Variants in IPO11 observed in about 807,000 individuals in gnomAD.
IPO11 encodes importin 11, also known as importin-11.
A neutral mutation model predicts 143.2 loss-of-function variants in IPO11; 66 were observed. That is an observed-to-expected ratio of 0.46 (90% CI 0.38 to 0.57). IPO11 has a LOEUF of 0.57. IPO11 is among the 20% of genes least tolerant of loss of function. The pLI is 0.00. For synonymous variants in IPO11, 385 were observed against 377.8 expected (o/e 1.02, Z -0.22); for missense variants, 1,026 against 1,141.0 (o/e 0.90, Z 1.45).
chr5:62,616,719 CAAAA>C (rs538760503), intron 29 of IPO11, among the ~76,000 whole-genome samples: 20 of 84,434 alleles, frequency 2.4e-4, no homozygotes, highest in Admixed American at 5.2e-4. Context: ...GACTCTGACT[CAAAA>C]AAAAAAAAAA....
intron 29 of IPO11, among the ~76,000 whole-genome samples, chr5:62,604,943 C>T (rs1745649496): frequency 6.6e-6 from 1 of 152,106 alleles, no homozygotes; most frequent in Admixed American, 6.5e-5. Flanking sequence ...TGTATTTTTT[C>T]AGTAATTACG....
chr5:62,528,920 A>G (rs1270774789), intron 21 of IPO11, among the ~76,000 whole-genome samples: 1 of 152,154 alleles, frequency 6.6e-6, no homozygotes. Flanking sequence ...ATCTCCTACT[A>G]TGGCTTTTTA....
chr5:62,415,512 A>G (rs1007708463), intron 1 of IPO11, among the ~76,000 whole-genome samples: 1 of 118,454 alleles, frequency 8.4e-6, no homozygotes, highest in African/African-American at 3.4e-5. Context: ...CTTTTTGCCC[A>G]GGCTGGAGTG....
chr5:62,532,858 G>A (rs1015431267), intron 22 of IPO11, among the ~76,000 whole-genome samples: 1 of 152,016 alleles, frequency 6.6e-6, no homozygotes, highest in African/African-American at 2.4e-5. Context: ...CGGCTCTTCA[G>A]GATTTGTTAC....
intron 28 of IPO11, among the ~76,000 whole-genome samples, chr5:62,600,963 G>A (rs575232214): frequency 6.6e-6 from 1 of 152,318 alleles, no homozygotes; most frequent in South Asian, 2.1e-4. Flanking sequence ...ATTAAAAGCT[G>A]TTTACACAGC....
chr5:62,539,859 T>G lies in IPO11; in HGVS notation c.2250+2570T>G, dbSNP rs114957748. On this transcript the variant is annotated intron_variant, in intron 24 of 29. Coordinates refer to ENST00000325324, the MANE Select transcript of IPO11 (RefSeq NM_016338.5). ...TCAGCTTCAGCTTTTGCTTTGGTGATAAATTCTTCTCTGGAGGTAAGAGGA... is the reference window on the plus strand; with the variant it reads ...TCAGCTTCAGCTTTTGCTTTGGTGAGAAATTCTTCTCTGGAGGTAAGAGGA... Among the ~76,000 whole-genome samples the G allele has an allele frequency of 4.5e-3, 690 of 152,346 alleles. 5 individuals carry two copies. The highest frequency in any genetic ancestry group is 0.016 in the African/African-American group (647 of 41,582).
rs538724013 is a variant in IPO11, at chr5:62,527,091, A to G, written c.2012+834A>G. 8.5e-5 allele frequency among the ~76,000 whole-genome samples: 13 copies of G among 152,336 alleles called. No individual in the cohort carries two copies. In the South Asian group the frequency reaches 2.7e-3, roughly 32 times the overall value. On this transcript the variant is annotated intron_variant, in intron 21 of 29. Transcript: ENST00000325324. The stretch of plus-strand genomic sequence containing the variant: ...TGATCTTTATCAGAATATGAGATGA[A>G]TGACTTTAAAACTTTACTAGTTAGA...
intron 24 of IPO11, among the ~76,000 whole-genome samples, chr5:62,547,394 C>T (rs1743241148): frequency 1.3e-5 from 2 of 152,222 alleles, no homozygotes; most frequent in East Asian, 3.9e-4. Context: ...TTACTGACAT[C>T]ACAATTGTAC....
At chr5:62,553,880 G>A (rs1311514026) in intron 26 of IPO11, among the ~76,000 whole-genome samples, 1 of 152,062 alleles carries the variant, frequency 6.6e-6, no homozygotes, top group African/African-American at 2.4e-5. Flanking sequence ...AGCCTCCCAA[G>A]TAGGTGGGAT....
At chr5:62,508,777 C>T (rs971472814) in intron 19 of IPO11, among the ~76,000 whole-genome samples, 1 of 152,042 alleles carries the variant, frequency 6.6e-6, no homozygotes, top group African/African-American at 2.4e-5. Context: ...CCCAACAGGC[C>T]CCGGTGTGAG....
chr5:62,535,160 A>G (rs1195800508), intron 22 of IPO11, among the ~76,000 whole-genome samples: 2 of 151,836 alleles, frequency 1.3e-5, no homozygotes, highest in Non-Finnish European at 2.9e-5. Context: ...CGATCCAGGA[A>G]TAGTTTTTAA....
intron 16 of IPO11, 119 bp downstream of exon 16, chr5:62,494,243 T>G (rs1741049044): frequency 1.3e-6 from 1 of 768,444 alleles, no homozygotes; most frequent in Non-Finnish European, 1.9e-6. Flanking sequence ...ACTGCACTAG[T>G]TATTCCTTGG....
intron 27 of IPO11, chr5:62,580,873 A>G (rs372428464): frequency 1.9e-6 from 3 of 1,551,280 alleles, no homozygotes; most frequent in African/African-American, 1.4e-5. Flanking sequence ...ATTAGAGACT[A>G]CAGCAGTGTT....
chr5:62,598,344 G>T (rs2112440011), intron 28 of IPO11, among the ~76,000 whole-genome samples: 1 of 151,090 alleles, frequency 6.6e-6, no homozygotes, highest in South Asian at 2.1e-4. Context: ...AACAATGTCA[G>T]TTTTGTCTTA....
rs1741484445 is a variant in IPO11 at position 62,504,707 on chromosome 5, T to G, written c.1624+7T>G. On this transcript the variant is annotated splice_region_variant and intron_variant, in intron 17 of 29. Coordinates refer to ENST00000325324, the MANE Select transcript of IPO11 (RefSeq NM_016338.5). ...GCTACAACTTTGAAGTTAAATATCC[T>G]TCTGAAAATTTAAAAATACTTCATT... is the stretch of plus-strand genomic sequence containing the variant. The G allele has an allele frequency of 6.8e-7, 1 of 1,477,534 alleles. No individual in the cohort carries two copies. Among genetic ancestry groups the G allele is most frequent in the African/African-American group, 1.4e-5 (1 of 70,666 alleles). The allele number at this position is 1,477,534 out of a possible 1,614,324, so 91.5% of individuals were successfully genotyped here.
chr5:62,550,505 G>A (rs781672455), intron 25 of IPO11, 43 bp downstream of exon 25: 1 of 1,304,886 alleles, frequency 7.7e-7, no homozygotes, highest in Non-Finnish European at 1.1e-6. Context: ...TTAGACTATA[G>A]GATTCTAGTT....
intron 2 of IPO11, among the ~76,000 whole-genome samples, chr5:62,442,253 A>G (rs1368929148): frequency 6.6e-6 from 1 of 152,208 alleles, no homozygotes; most frequent in Non-Finnish European, 1.5e-5. Context: ...AGAATCTTTG[A>G]ATCTATGCTG....
chr5:62,555,107 T>C lies in IPO11; in HGVS notation c.2460+3771T>C, dbSNP rs558954633. 2.0e-3 allele frequency among the ~76,000 whole-genome samples: 307 copies of C among 152,254 alleles called. 2 individuals are homozygous for C. The highest frequency in any genetic ancestry group is 7.2e-3 in the African/African-American group (300 of 41,544). On this transcript the variant is annotated intron_variant, in intron 26 of 29. Coordinates refer to ENST00000325324, the MANE Select transcript of IPO11 (RefSeq NM_016338.5). The stretch of plus-strand genomic sequence containing the variant: ...TTGGCTATTTGGGATTTTTTTATGG[T>C]CCCATACAAATTTTTTTTTCTATCT...
chr5:62,419,726 G>A (rs1743432553), intron 1 of IPO11, among the ~76,000 whole-genome samples: 1 of 152,026 alleles, frequency 6.6e-6, no homozygotes, highest in Non-Finnish European at 1.5e-5. Context: ...GGGCTTGGTG[G>A]CTCACTTCTG....
Sources: allele counts gnomAD v4.1 joint callset (sites outside exome capture counted in the v4.1 genomes callset), GRCh38; gene constraint gnomAD v4.1.1; transcripts MANE v1.5; gene names NCBI Gene and HGNC (gene_info 2026-07-23, HGNC 2026-07-21).